DPP10: variants seen among roughly 807,000 people sequenced by gnomAD.
DPP10 encodes dipeptidyl peptidase like 10.
A neutral mutation model predicts 120.9 loss-of-function variants in DPP10; 33 were observed. That is an observed-to-expected ratio of 0.27 (90% CI 0.21 to 0.37). DPP10 has a LOEUF of 0.37. DPP10 is among the 10% of genes least tolerant of loss of function. The probability of loss-of-function intolerance (pLI) is 1.00; values close to 1 mark genes in which losing one functional copy is unlikely to be tolerated. For missense variants in DPP10, 816 were observed against 942.8 expected (o/e 0.87, Z 1.76); for synonymous variants, 337 against 326.1 (o/e 1.03, Z -0.36).
chr2:114,976,005 A>C (rs1347099533), intron 1 of DPP10, among the ~76,000 whole-genome samples: 4 of 152,214 alleles, frequency 2.6e-5, no homozygotes, highest in Non-Finnish European at 5.9e-5. Flanking sequence ...GTTTAAAATA[A>C]ATTTAAAATA....
At chr2:115,155,042 C>T (rs973298305) in intron 1 of DPP10, among the ~76,000 whole-genome samples, 8 of 151,900 alleles carry the variant, frequency 5.3e-5, no homozygotes, top group African/African-American at 1.9e-4. Flanking sequence ...CAGTCACGTA[C>T]CACCACACCA....
Position 115,092,028 on chromosome 2 carries a change from G to A in DPP10, c.61-217211G>A, listed in dbSNP as rs1709307537. 2.0e-5 allele frequency among the ~76,000 whole-genome samples: 3 copies of A among 152,124 alleles called. No homozygotes were observed. The South Asian group carries it at 6.2e-4, about 32-fold the overall frequency. ...CACACCGTGCCAGGTAGTCTGCTAA[G>A]GGCTTCAGTGCATTTTAATCTTTTC... On this transcript the variant is annotated intron_variant, in intron 1 of 25. Transcript: ENST00000410059.
intron 1 of DPP10, among the ~76,000 whole-genome samples, chr2:114,912,085 T>C (rs1317855710): frequency 6.6e-6 from 1 of 152,050 alleles, no homozygotes; most frequent in East Asian, 1.9e-4. Context: ...AGAGAGATAG[T>C]CCTCCACTGC....
chr2:115,368,346 A>T (rs2065201312), intron 3 of DPP10, among the ~76,000 whole-genome samples: 1 of 152,126 alleles, frequency 6.6e-6, no homozygotes, highest in Non-Finnish European at 1.5e-5. Flanking sequence ...AGCACAGGAT[A>T]GAAACCATGA....
At chr2:115,251,697 C>G (rs570577669) in intron 1 of DPP10, among the ~76,000 whole-genome samples, 2 of 152,128 alleles carry the variant, frequency 1.3e-5, no homozygotes, top group Non-Finnish European at 2.9e-5. Flanking sequence ...TTATTTTTCT[C>G]CAACATTATT....
chr2:115,144,265 T>C (rs1192908395), intron 1 of DPP10: 1 of 152,134 alleles, frequency 6.6e-6, no homozygotes, highest in Non-Finnish European at 1.5e-5. Flanking sequence ...CAGTACACCT[T>C]ATTCTGACCC....
chr2:114,581,173 C>CTTTTTTTTTTTTTT (rs70937291), intron 1 of DPP10, among the ~76,000 whole-genome samples: 1 of 77,892 alleles, frequency 1.3e-5, no homozygotes, highest in African/African-American at 5.1e-5. Context: ...TTTTTCTTCT[C>CTTTTTTTTTTTTTT]TTTTTTTTTT....
chr2:114,503,889 A>C (rs893721245), intron 1 of DPP10, among the ~76,000 whole-genome samples: 11 of 152,234 alleles, frequency 7.2e-5, no homozygotes, highest in Non-Finnish European at 1.6e-4. Flanking sequence ...CTATTTTCAC[A>C]TAGCTTTGGA....
intron 1 of DPP10, among the ~76,000 whole-genome samples, chr2:114,478,305 G>C (rs1680698121): frequency 6.6e-6 from 1 of 151,938 alleles, no homozygotes; most frequent in Non-Finnish European, 1.5e-5. Context: ...ACAGGGTAGG[G>C]TAGGAAAAAA....
chr2:115,410,266 G>A (rs752529449), intron 3 of DPP10, among the ~76,000 whole-genome samples: 1 of 152,176 alleles, frequency 6.6e-6, no homozygotes, highest in African/African-American at 2.4e-5. Flanking sequence ...TTAAGAAAAC[G>A]TAATACATAT....
rs139561261 is a variant in DPP10 at position 115,478,535 on chromosome 2, C to T, written c.272-20975C>T. On this transcript the variant is annotated intron_variant, in intron 3 of 25. Coordinates refer to ENST00000410059, the MANE Select transcript of DPP10 (RefSeq NM_020868.6). ...GAAATGACATCAAATGCACAGACAG[C>T]GCAAGAAAATATACACAAATTGGAC... 2.2e-3 allele frequency among the ~76,000 whole-genome samples: 335 copies of T among 152,154 alleles called. 1 individual carries two copies. The highest frequency in any genetic ancestry group is 7.0e-3 in the African/African-American group (292 of 41,514).
intron 1 of DPP10, among the ~76,000 whole-genome samples, chr2:115,240,388 G>A (rs866855284): frequency 1.5e-4 from 23 of 152,080 alleles, no homozygotes; most frequent in African/African-American, 2.9e-4. Context: ...TTTGTTGACC[G>A]CATAAATGTC....
chr2:115,058,654 A>G (rs1174688292), intron 1 of DPP10, among the ~76,000 whole-genome samples: 3 of 151,246 alleles, frequency 2.0e-5, no homozygotes, highest in East Asian at 1.9e-4. Flanking sequence ...TCCCACCTCA[A>G]CCTCCCAAAG....
intron 1 of DPP10, among the ~76,000 whole-genome samples, chr2:114,537,688 C>T (rs768253429): frequency 7.2e-5 from 11 of 152,082 alleles, no homozygotes; most frequent in Non-Finnish European, 1.3e-4. Flanking sequence ...TTATGACAAC[C>T]GCAGGAGGGA....
chr2:115,808,019 G>A (rs1466879933), intron 19 of DPP10, among the ~76,000 whole-genome samples: 1 of 152,102 alleles, frequency 6.6e-6, no homozygotes, highest in Non-Finnish European at 1.5e-5. Context: ...CTGGATTTTA[G>A]CAATTTAAAA....
intron 1 of DPP10, among the ~76,000 whole-genome samples, chr2:115,188,861 G>A (rs1437188344): frequency 1.3e-5 from 2 of 151,972 alleles, no homozygotes; most frequent in East Asian, 3.9e-4. Flanking sequence ...CACACCTAAG[G>A]CTGTTCACTG....
chr2:115,686,186 A>G (rs1465211264), intron 5 of DPP10, among the ~76,000 whole-genome samples: 1 of 151,930 alleles, frequency 6.6e-6, no homozygotes, highest in Non-Finnish European at 1.5e-5. Context: ...TCCTGTTTAA[A>G]ATCACTTCCC....
In DPP10 at chr2:115,815,794, A is replaced by ACATT. The variant is rs578104325; in HGVS notation, c.1950+68_1950+71dup. ...TCTATGTTATGTAATATCCTATTAC[A>ACATT]CATTCACAGGAGGCCAGTTGGTTAC... On this transcript the variant is annotated intron_variant, in intron 21 of 25. Coordinates refer to ENST00000410059, the MANE Select transcript of DPP10 (RefSeq NM_020868.6). The ACATT allele has an allele frequency of 1.0e-4, 150 of 1,484,670 alleles. No individual in the cohort carries two copies. In the South Asian group the frequency reaches 1.8e-3, roughly 18 times the overall value. 92.0% of individuals were successfully genotyped at this position (1,484,670 alleles called of 1,614,324 possible).
At chr2:115,286,169 A>G (rs1038542760) in intron 1 of DPP10, among the ~76,000 whole-genome samples, 1 of 151,762 alleles carries the variant, frequency 6.6e-6, no homozygotes. Context: ...TATGCATCCT[A>G]ATACTGGTAT....
Sources: gnomAD v4.1 joint callset for allele counts (sites outside exome capture counted in the v4.1 genomes callset) on GRCh38, gnomAD v4.1.1 for gene constraint, MANE v1.5 for transcripts, NCBI Gene and HGNC (gene_info 2026-07-23, HGNC 2026-07-21) for gene names.